Variants in DOCK7 observed in about 807,000 individuals in gnomAD.
DOCK7 encodes the protein dedicator of cytokinesis 7.
DOCK7 carries 138 observed loss-of-function variants against 271.0 expected under a neutral mutation model. That is an observed-to-expected ratio of 0.51 (90% CI 0.44 to 0.59). DOCK7 has a LOEUF of 0.59. DOCK7 is among the 20% of genes least tolerant of loss of function. The pLI is 0.00. For synonymous variants in DOCK7, 823 were observed against 876.1 expected (o/e 0.94, Z 1.07); for missense variants, 2,066 against 2,592.4 (o/e 0.80, Z 4.41).
chr1:62,675,741 C>G (rs891956807), intron 1 of DOCK7, among the ~76,000 whole-genome samples: 3 of 151,490 alleles, frequency 2.0e-5, no homozygotes, highest in African/African-American at 7.3e-5. Context: ...GCCGAGATCG[C>G]GCCACTGTAC....
chr1:62,540,611 T>C (rs961962309), intron 25 of DOCK7, among the ~76,000 whole-genome samples: 11 of 152,192 alleles, frequency 7.2e-5, no homozygotes, highest in Non-Finnish European at 1.3e-4. Flanking sequence ...TGATAGCATA[T>C]AGTGGGAATA....
chr1:62,601,983 G>A, intron 14 of DOCK7: 1 of 693,296 alleles, frequency 1.4e-6, no homozygotes, highest in Non-Finnish European at 2.5e-6. Context: ...ATATATATAT[G>A]AAATATATAT....
At chr1:62,589,882 A>G (rs1387324363) in intron 14 of DOCK7, among the ~76,000 whole-genome samples, 1 of 139,952 alleles carries the variant, frequency 7.1e-6, no homozygotes, top group African/African-American at 2.6e-5. Flanking sequence ...ACTCCATCTA[A>G]AAAAAAAAAA....
chr1:62,574,096 A>G (rs1343396421), intron 18 of DOCK7, among the ~76,000 whole-genome samples: 5 of 152,212 alleles, frequency 3.3e-5, no homozygotes, highest in African/African-American at 1.2e-4. Context: ...AGTTCAACAC[A>G]GAAGGCATCA....
chr1:62,556,007 GTATTTACCTTTGCT>G lies in DOCK7; in HGVS notation c.2432-32_2432-19del. 1 of 1,608,090 alleles carries G rather than the reference GTATTTACCTTTGCT, an allele frequency of 6.2e-7. No individual in the cohort carries two copies. Among genetic ancestry groups the G allele is most frequent in the Non-Finnish European group, 8.5e-7 (1 of 1,178,714 alleles). Reference sequence around the variant, plus strand: ...TAGGTTAACTTTTAAGAAAGAAGAAGTATTTACCTTTGCTTTAACTTTTTTTAGACTGTAAATTC... The same window carrying G: ...TAGGTTAACTTTTAAGAAAGAAGAAGTTAACTTTTTTTAGACTGTAAATTC... On this transcript the variant is annotated intron_variant, in intron 20 of 49. Transcript: ENST00000635253.
intron 15 of DOCK7, chr1:62,584,299 T>C (rs545521717): frequency 5.1e-6 from 5 of 977,218 alleles, no homozygotes; most frequent in African/African-American, 1.8e-5. Flanking sequence ...ACAAATACCT[T>C]AGTATGTTTT....
rs186896159 is a variant in DOCK7, at chr1:62,535,831, T to C, written c.3472-199A>G. 2.1e-3 allele frequency among the ~76,000 whole-genome samples: 316 copies of C among 152,360 alleles called. 2 individuals carry two copies. The highest frequency in any genetic ancestry group is 7.2e-3 in the African/African-American group (301 of 41,596). On this transcript the variant is annotated intron_variant, in intron 28 of 49. Transcript: ENST00000635253. ...CTTTATTAAGTTAATTACTTTATTA[T>C]AGAAATTAATCATTGAAAATTTAAT...
intron 16 of DOCK7, among the ~76,000 whole-genome samples, chr1:62,580,565 C>T (rs1286341290): frequency 6.6e-6 from 1 of 152,034 alleles, no homozygotes; most frequent in Non-Finnish European, 1.5e-5. Context: ...AATGTGAAGA[C>T]TTTTGTTGAA....
chr1:62,500,557 T>G (rs1362019837), intron 37 of DOCK7, among the ~76,000 whole-genome samples: 1 of 152,176 alleles, frequency 6.6e-6, no homozygotes, highest in African/African-American at 2.4e-5. Flanking sequence ...ATCATGTACC[T>G]GAGAAACTTA....
In DOCK7 at chr1:62,492,686, T is replaced by G; in HGVS notation, c.5361+18A>C. On this transcript the variant is annotated intron_variant, in intron 41 of 49. Coordinates refer to ENST00000635253, the MANE Select transcript of DOCK7 (RefSeq NM_001367561.1). The stretch of plus-strand genomic sequence containing the variant: ...GAGGTATGAAACTGTGGGAAAAGAA[T>G]TAACAAGAGTCATCTACCATAGAGA... 1 of 1,613,612 alleles carries G rather than the reference T, an allele frequency of 6.2e-7. No homozygotes were observed. The highest frequency in any genetic ancestry group is 1.1e-5 in the South Asian group (1 of 90,970).
intron 37 of DOCK7, among the ~76,000 whole-genome samples, chr1:62,503,046 G>C (rs1646832084): frequency 6.6e-6 from 1 of 151,996 alleles, no homozygotes; most frequent in Non-Finnish European, 1.5e-5. Context: ...ATAGAATAAA[G>C]GTTTTAAGTA....
In DOCK7 at chr1:62,494,429, A is replaced by G; in HGVS notation, c.5063T>C (p.Leu1688Ser). The change falls in exon 40 of 50, where the codon TTG becomes TCG. Residue 1688 changes from leucine (L) to serine (S), a missense_variant. Around this residue, in one of 2 missense-constraint regions of DOCK7, gnomAD observed 652 missense variants for 922.1 expected, o/e 0.71. Transcript: ENST00000635253. The stretch of plus-strand genomic sequence containing the variant: ...GCCTGCCATGTTCTGCAACCAGGTC[A>G]ATCGCAGATCTGGAGAGGTCTGGTA... ...KGYQTSPDLR[L>S]TWLQNMAGKH... 1.2e-6 allele frequency: 2 copies of G among 1,612,718 alleles called. No individual in the cohort carries two copies. Among genetic ancestry groups the G allele is most frequent in the Non-Finnish European group, 1.7e-6 (2 of 1,178,928 alleles).
intron 33 of DOCK7, chr1:62,510,902 C>A: frequency 2.4e-6 from 1 of 410,252 alleles, no homozygotes. Context: ...ACAATACCCA[C>A]TTAAATAAGC....
chr1:62,504,444 A>C (rs1644066403), intron 37 of DOCK7, among the ~76,000 whole-genome samples, 186 bp downstream of exon 37: 1 of 152,210 alleles, frequency 6.6e-6, no homozygotes, highest in Non-Finnish European at 1.5e-5. Flanking sequence ...CGTACACATG[A>C]TATGCACACA....
At chr1:62,682,999 T>A (rs1661341155) in intron 1 of DOCK7, among the ~76,000 whole-genome samples, 1 of 152,126 alleles carries the variant, frequency 6.6e-6, no homozygotes, top group Non-Finnish European at 1.5e-5. Context: ...AGTCACCTAT[T>A]GAGAGAGTAG....
chr1:62,589,695 A>C (rs1648145183), intron 14 of DOCK7, among the ~76,000 whole-genome samples: 1 of 151,950 alleles, frequency 6.6e-6, no homozygotes, highest in Admixed American at 6.6e-5. Context: ...TAAGGTTTTT[A>C]CTTAATCTTT....
intron 43 of DOCK7, 51 bp downstream of exon 43, chr1:62,487,347 T>C (rs749758851): frequency 1.9e-6 from 3 of 1,575,416 alleles, no homozygotes; most frequent in Admixed American, 3.4e-5. Context: ...GCATAAGAAA[T>C]CTGATAAAAT....
At position 62,476,062 on chromosome 1, in the gene DOCK7, T is replaced by C; in HGVS notation, c.5724+5A>G. The stretch of plus-strand genomic sequence containing the variant: ...TATATGTCATTATAGTCGAATCAAC[T>C]ATACCTTGTTAGGATCTAATTTACA... On this transcript the variant is annotated splice_donor_5th_base_variant and intron_variant, in intron 45 of 49. Transcript: ENST00000635253. 1 of 1,610,750 alleles carries C rather than the reference T, an allele frequency of 6.2e-7. No individual in the cohort carries two copies. The highest frequency in any genetic ancestry group is 8.5e-7 in the Non-Finnish European group (1 of 1,177,968).
At chr1:62,455,510 A>C in intron 49 of DOCK7, 54 bp from the exon 50 acceptor site, 1 of 1,522,686 alleles carries the variant, frequency 6.6e-7, no homozygotes, top group Non-Finnish European at 9.1e-7. Flanking sequence ...TTTTGCATAT[A>C]CCTTTAAATG....
Sources: gnomAD v4.1 joint callset for allele counts (sites outside exome capture counted in the v4.1 genomes callset) on GRCh38, gnomAD v4.1.1 for gene constraint, gnomAD v4.1.1 regional missense constraint, MANE v1.5 for transcripts, NCBI Gene and HGNC (gene_info 2026-07-23, HGNC 2026-07-21) for gene names.